Variants in MTCL2 observed in about 807,000 individuals in gnomAD.
MTCL2 encodes the protein microtubule cross-linking factor 2.
At chr20:36,848,650 A>G in the MTCL2 span, among the ~76,000 whole-genome samples, 1 of 152,226 alleles carries the variant, frequency 6.6e-6, no homozygotes, top group Non-Finnish European at 1.5e-5. Flanking sequence ...AGCACACGCA[A>G]ACAGGCAGGG....
the MTCL2 span, chr20:36,805,744 G>T: frequency 2.0e-6 from 2 of 978,792 alleles, no homozygotes; most frequent in African/African-American, 1.6e-5. Context: ...GCAATAACTT[G>T]CAACTTCAAT....
chr20:36,839,209 A>G, the MTCL2 span: 3 of 1,586,706 alleles, frequency 1.9e-6, no homozygotes, highest in South Asian at 3.3e-5. This position sits in a 1 kb window ranked among gnomAD's most constrained non-coding sequence, Gnocchi z 5.1. Flanking sequence ...ACCCGAGCCC[A>G]GGCTGACCTT....
the MTCL2 span, among the ~76,000 whole-genome samples, chr20:36,799,481 A>G: frequency 1.3e-5 from 2 of 151,424 alleles, no homozygotes; most frequent in Admixed American, 1.3e-4. Context: ...AACAAGAGTG[A>G]AACTCCATCT....
the MTCL2 span, among the ~76,000 whole-genome samples, chr20:36,848,660 G>A: frequency 6.6e-6 from 1 of 152,204 alleles, no homozygotes; most frequent in African/African-American, 2.4e-5. Context: ...AACAGGCAGG[G>A]GGAGGGGGTG....
chr20:36,808,820 G>A, the MTCL2 span: 2 of 1,355,084 alleles, frequency 1.5e-6, no homozygotes, highest in Non-Finnish European at 2.0e-6. Flanking sequence ...CTGGACAGGG[G>A]CAGGGAGGAA....
the MTCL2 span, among the ~76,000 whole-genome samples, chr20:36,849,752 G>A: frequency 2.6e-5 from 4 of 152,180 alleles, no homozygotes; most frequent in Non-Finnish European, 4.4e-5. Context: ...TGAGGACAGC[G>A]GGGGGAAGTT....
At chr20:36,790,591 C>A in the MTCL2 span, among the ~76,000 whole-genome samples, 2 of 151,530 alleles carry the variant, frequency 1.3e-5, no homozygotes, top group Non-Finnish European at 2.9e-5. Context: ...CATGCTGCCA[C>A]GCCTGGCTAA....
At chr20:36,863,072 GA>G in the MTCL2 span, 1 of 1,403,552 alleles carries the variant, frequency 7.1e-7, no homozygotes, top group Non-Finnish European at 9.3e-7. This position sits in a 1 kb window ranked among gnomAD's most constrained non-coding sequence, Gnocchi z 6.2. Flanking sequence ...CCCCGGTGCG[GA>G]CCCCGGCCAC....
chr20:36,840,497 T>C, the MTCL2 span, among the ~76,000 whole-genome samples: 5 of 151,542 alleles, frequency 3.3e-5, no homozygotes, highest in African/African-American at 9.7e-5. Flanking sequence ...ACTAAATTTG[T>C]AGTGATTTGT....
chr20:36,786,433 C>A, the MTCL2 span: 6 of 1,486,620 alleles, frequency 4.0e-6, no homozygotes, highest in African/African-American at 8.3e-5. Context: ...TGCTGGTTCC[C>A]TTCTGCTATC....
chr20:36,827,333 G>A, the MTCL2 span, among the ~76,000 whole-genome samples: 8 of 149,224 alleles, frequency 5.4e-5, no homozygotes, highest in African/African-American at 1.5e-4. Flanking sequence ...GATTACAGGC[G>A]TGAGCCACTG....
At chr20:36,840,724 T>A in the MTCL2 span, among the ~76,000 whole-genome samples, 1 of 151,898 alleles carries the variant, frequency 6.6e-6, no homozygotes, top group East Asian at 2.0e-4. Context: ...CGGGTGCCTG[T>A]AGTCCCAGCT....
chr20:36,817,412 C>A, the MTCL2 span: 2 of 1,590,872 alleles, frequency 1.3e-6, no homozygotes, highest in Non-Finnish European at 8.6e-7. Flanking sequence ...ATTACCTGCA[C>A]CAAAGTCTTC....
chr20:36,788,113 AC>A, the MTCL2 span, among the ~76,000 whole-genome samples: 3 of 150,658 alleles, frequency 2.0e-5, no homozygotes, highest in African/African-American at 7.3e-5. Context: ...AAGCAGCAGA[AC>A]GGCTTGAACT....
chr20:36,810,717 C>CTCTCTCTCCCTCTCTCTCTCTCT, the MTCL2 span, among the ~76,000 whole-genome samples: 3 of 94,270 alleles, frequency 3.2e-5, no homozygotes, highest in Middle Eastern at 0.02. Flanking sequence ...TCTCTCTCTC[C>CTCTCTCTCCCTCTCTCTCTCTCT]CTCTCTCTCT....
chr20:36,793,710 G>A, the MTCL2 span: 5 of 1,546,322 alleles, frequency 3.2e-6, no homozygotes, highest in South Asian at 1.2e-5. This position sits in a 1 kb window ranked among gnomAD's most constrained non-coding sequence, Gnocchi z 6.8. Flanking sequence ...CACAGGCTGC[G>A]GTCCTTGCTG....
the MTCL2 span, chr20:36,794,213 G>A: frequency 9.1e-4 from 1,410 of 1,547,180 alleles, 1 homozygote; most frequent in Non-Finnish European, 1.1e-3. This position sits in a 1 kb window ranked among gnomAD's most constrained non-coding sequence, Gnocchi z 5.4. Context: ...AGCCTCGGCC[G>A]ACTCTTTGGG....
chr20:36,860,434 C>G, the MTCL2 span, among the ~76,000 whole-genome samples: 1 of 152,226 alleles, frequency 6.6e-6, no homozygotes, highest in African/African-American at 2.4e-5. Context: ...CCCTTGTCCA[C>G]AGCTGTATCC....
chr20:36,858,015 C>A, the MTCL2 span, among the ~76,000 whole-genome samples: 5 of 152,238 alleles, frequency 3.3e-5, no homozygotes, highest in East Asian at 7.7e-4. Flanking sequence ...GCTCCGGGCC[C>A]CCAGCATGCC....
Sources: gnomAD v4.1 joint callset for allele counts (sites outside exome capture counted in the v4.1 genomes callset) on GRCh38, gnomAD v4.1.1 for gene constraint, Gnocchi (gnomAD v3.1) non-coding constraint, MANE v1.5 for transcripts, NCBI Gene and HGNC (gene_info 2026-07-23, HGNC 2026-07-21) for gene names.